Variants in NDUFA10 observed in about 807,000 individuals in gnomAD.
NDUFA10 encodes the protein NADH:ubiquinone oxidoreductase subunit A10, also known as NADH dehydrogenase [ubiquinone] 1 alpha subcomplex subunit 10, mitochondrial.
In NDUFA10, 40 loss-of-function variants were observed where a neutral mutation model predicts 47.8. The ratio of observed to expected loss-of-function variants is 0.84; its 90% CI spans 0.65 to 1.09. The LOEUF is 1.09. NDUFA10 is among the 50% of genes least tolerant of loss of function. The pLI is 0.00. For synonymous variants in NDUFA10, 183 were observed against 172.2 expected, an observed-to-expected ratio of 1.06 and a Z score of -0.49; for missense variants, 413 against 451.1, an observed-to-expected ratio of 0.92 and a Z score of 0.76.
rs13384363 is a variant in NDUFA10 at position 239,906,653 on chromosome 2, T to C, written c.295-11339A>G. On this transcript the variant is annotated intron_variant, in intron 4 of 5. Transcript: ENST00000419408. The surrounding 1 kb of genome is among the most constrained non-coding windows in gnomAD (Gnocchi z 4.3). Reference sequence around the variant, plus strand: ...CCCCCGGGAATGCTGGTCCAGACGCTTTGCCCTGCACCCAACCCTAAAGGT... The same window carrying C: ...CCCCCGGGAATGCTGGTCCAGACGCCTTGCCCTGCACCCAACCCTAAAGGT... 0.17 allele frequency among the ~76,000 whole-genome samples: 25,166 copies of C among 152,150 alleles called. 2,099 individuals carry two copies. Among genetic ancestry groups the C allele is most frequent in the South Asian group, 0.19 (926 of 4,818 alleles).
intron 4 of NDUFA10, among the ~76,000 whole-genome samples, chr2:239,907,528 A>C (rs1361464433): frequency 1.3e-5 from 2 of 152,264 alleles, no homozygotes; most frequent in African/African-American, 4.8e-5. Context: ...CAGAATCTAC[A>C]AAGAACTTAA....
intron 4 of NDUFA10, among the ~76,000 whole-genome samples, chr2:239,936,516 G>A (rs533675549): frequency 6.6e-6 from 1 of 152,328 alleles, no homozygotes; most frequent in South Asian, 2.1e-4. Context: ...CAGGCTGGGG[G>A]ATGACGACGG....
At chr2:239,936,670 G>T (rs1694271488) in intron 4 of NDUFA10, among the ~76,000 whole-genome samples, 1 of 152,176 alleles carries the variant, frequency 6.6e-6, no homozygotes, top group Non-Finnish European at 1.5e-5. Context: ...AGTAAGTCTT[G>T]GCCAGGTTGT....
intron 4 of NDUFA10, among the ~76,000 whole-genome samples, chr2:239,915,283 TAC>T (rs1175093490): frequency 7.3e-6 from 1 of 137,194 alleles, no homozygotes; most frequent in African/African-American, 2.8e-5. Context: ...CACACAAATA[TAC>T]AGACACAGAC....
chr2:239,910,729 AG>A (rs375143382), intron 4 of NDUFA10, among the ~76,000 whole-genome samples: 58 of 151,500 alleles, frequency 3.8e-4, no homozygotes, highest in African/African-American at 1.0e-3. Flanking sequence ...TGAAAGTGGA[AG>A]AAAAAAATAA....
In NDUFA10 at chr2:240,018,479, T is replaced by C. The variant is rs760662797; in HGVS notation, c.547+74A>G. 3.1e-6 allele frequency: 5 copies of C among 1,613,352 alleles called. No individual in the cohort carries two copies. The Admixed American group carries it at 8.3e-5, about 27-fold the overall frequency. On this transcript the variant is annotated intron_variant, in intron 4 of 9. Coordinates refer to ENST00000252711, the MANE Select transcript of NDUFA10 (RefSeq NM_004544.4). The stretch of plus-strand genomic sequence containing the variant: ...AACAGACATTCATAAACACAGTAAG[T>C]GCAAGGTGAGTCTATCACAGCCCTT...
chr2:239,986,258 G>A (rs1695999179), intron 9 of NDUFA10, among the ~76,000 whole-genome samples: 1 of 152,210 alleles, frequency 6.6e-6, no homozygotes, highest in South Asian at 2.1e-4. Flanking sequence ...AATGAAGACA[G>A]CCTTCCTTCC....
At chr2:239,941,737 A>AC (rs1694364728) in intron 4 of NDUFA10, among the ~76,000 whole-genome samples, 1 of 151,770 alleles carries the variant, frequency 6.6e-6, no homozygotes, top group Non-Finnish European at 1.5e-5. Flanking sequence ...AAAAAAAAAA[A>AC]GAAAAAAAGG....
intron 1 of NDUFA10, among the ~76,000 whole-genome samples, chr2:240,022,629 TGGAG>T (rs761091608): frequency 1.2e-4 from 16 of 130,362 alleles, no homozygotes; most frequent in Non-Finnish European, 1.6e-4. Flanking sequence ...CAATAAAAAT[TGGAG>T]GGAGGGAGGG....
At chr2:239,974,597 A>G (rs1019346545) in intron 9 of NDUFA10, among the ~76,000 whole-genome samples, 2 of 152,200 alleles carry the variant, frequency 1.3e-5, no homozygotes, top group East Asian at 3.8e-4. Flanking sequence ...ATCCCTCATG[A>G]ATGGCTTGGG....
In NDUFA10 at chr2:239,960,830, G is replaced by A. The variant is rs1694824919; in HGVS notation, c.*288C>T. ...AGAGCGGCAGCGCTGAAACCACAGG[G>A]GCTGCCGAGAGCTGGCCTTTCACAG... On this transcript the variant is annotated 3_prime_UTR_variant, in exon 10 of 10. Coordinates refer to ENST00000252711, the MANE Select transcript of NDUFA10 (RefSeq NM_004544.4). 2 of 1,331,624 alleles carry A rather than the reference G, an allele frequency of 1.5e-6. No individual in the cohort carries two copies. The highest frequency in any genetic ancestry group is 1.5e-5 in the South Asian group (1 of 66,138). 82.5% of individuals were successfully genotyped at this position (1,331,624 alleles called of 1,614,324 possible). A position where few individuals can be genotyped will look rare whatever the true frequency, so the allele number is the denominator to read the frequency against.
At chr2:239,918,920 C>T (rs889644168) in intron 4 of NDUFA10, among the ~76,000 whole-genome samples, 27 of 152,216 alleles carry the variant, frequency 1.8e-4, no homozygotes, top group African/African-American at 6.5e-4. Context: ...TCCTCCTGCT[C>T]GTCCAGTGTC....
At chr2:239,956,401 G>A (rs1032457125), downstream of NDUFA10, among the ~76,000 whole-genome samples, 1 of 152,182 alleles carries the variant, frequency 6.6e-6, no homozygotes, top group Non-Finnish European at 1.5e-5. Context: ...TCCAAAGCGT[G>A]GGGCCTGAGC....
downstream of NDUFA10, among the ~76,000 whole-genome samples, chr2:239,955,484 T>C (rs919155342): frequency 9.9e-5 from 15 of 152,212 alleles, no homozygotes; most frequent in East Asian, 2.9e-3. Context: ...CAGGAGCTGA[T>C]GCAGAATGAC....
chr2:240,002,602 A>T (rs568968584), intron 8 of NDUFA10, among the ~76,000 whole-genome samples: 238 of 152,168 alleles, frequency 1.6e-3, no homozygotes, highest in African/African-American at 5.5e-3. Context: ...AGGCAGATAA[A>T]GTGACTTGTC....
At chr2:239,988,239 G>A (rs1230100367) in intron 9 of NDUFA10, among the ~76,000 whole-genome samples, 1 of 152,150 alleles carries the variant, frequency 6.6e-6, no homozygotes, top group Non-Finnish European at 1.5e-5. Flanking sequence ...GAAAGTTTCA[G>A]ATGCTACATA....
chr2:239,918,177 G>A (rs1693909377), intron 4 of NDUFA10, among the ~76,000 whole-genome samples: 1 of 152,150 alleles, frequency 6.6e-6, no homozygotes, highest in Non-Finnish European at 1.5e-5. Flanking sequence ...CAAGGAGGGT[G>A]CCACAGATGG....
intron 4 of NDUFA10, among the ~76,000 whole-genome samples, chr2:239,921,949 C>T (rs114185478): frequency 0.01 from 1,565 of 150,566 alleles, 37 homozygotes; most frequent in African/African-American, 0.036. Context: ...TCTTTCCTTT[C>T]CTCCTCCCCT....
chr2:239,939,743 G>A (rs187790616), intron 4 of NDUFA10, among the ~76,000 whole-genome samples: 1 of 152,320 alleles, frequency 6.6e-6, no homozygotes, highest in African/African-American at 2.4e-5. Flanking sequence ...AGAAATCCAG[G>A]GGCTACCAGG....
Sources: gnomAD v4.1 joint callset for allele counts (sites outside exome capture counted in the v4.1 genomes callset) on GRCh38, gnomAD v4.1.1 for gene constraint, Gnocchi (gnomAD v3.1) non-coding constraint, MANE v1.5 for transcripts, NCBI Gene and HGNC (gene_info 2026-07-23, HGNC 2026-07-21) for gene names.